PLIN3: variants seen among roughly 807,000 people sequenced by gnomAD.
PLIN3 encodes perilipin 3, also known as perilipin-3.
Under a neutral mutation model 35.9 loss-of-function variants are expected in PLIN3, and 30 were observed. That is an observed-to-expected ratio of 0.84 (90% confidence interval 0.62 to 1.13). The LOEUF (loss-of-function observed/expected upper bound fraction) is 1.13. Ranked by LOEUF, PLIN3 falls within the 50% of genes most tolerant of loss-of-function variation. The probability of loss-of-function intolerance (pLI) is 0.00; values close to 1 mark genes in which losing one functional copy is unlikely to be tolerated. For synonymous variants in PLIN3, 261 were observed against 262.5 expected (o/e 0.99, Z 0.06); for missense variants, 603 against 596.9 (o/e 1.01, Z -0.11).
intron 1 of PLIN3, among the ~76,000 whole-genome samples, chr19:4,865,350 A>G (rs920492641): frequency 6.1e-5 from 9 of 148,620 alleles, no homozygotes; most frequent in Non-Finnish European, 1.5e-5. Flanking sequence ...TTAGCCGTGT[A>G]TTTTGGCTGA....
intron 1 of PLIN3, among the ~76,000 whole-genome samples, chr19:4,864,150 TGGTTTTG>T (rs1486741427): frequency 7.6e-6 from 1 of 131,322 alleles, no homozygotes; most frequent in Non-Finnish European, 1.6e-5. Flanking sequence ...TGTGTGTGTG[TGGTTTTG>T]TTTTTTTTTT....
chr19:4,840,665 A>T (rs1029468734), intron 7 of PLIN3, among the ~76,000 whole-genome samples: 2 of 152,122 alleles, frequency 1.3e-5, no homozygotes, highest in African/African-American at 4.8e-5. Flanking sequence ...TCAAAACCAT[A>T]AGGAGGCCTG....
At chr19:4,841,070 G>A (rs959617669) in intron 7 of PLIN3, among the ~76,000 whole-genome samples, 8 of 152,258 alleles carry the variant, frequency 5.3e-5, no homozygotes, top group East Asian at 3.9e-4. Context: ...ACAGTCTAGC[G>A]GTTACTCAAA....
Position 4,865,716 on chromosome 19 carries a change from A to AT in PLIN3, c.-18+1892dup, listed in dbSNP as rs1456656199. Reference sequence around the variant, plus strand: ...CTGGAGTCCAGATTGGGTTCTTTCCATTTTTTTTTTTTTGTTTTTTTTTTT... The same window carrying AT: ...CTGGAGTCCAGATTGGGTTCTTTCCATTTTTTTTTTTTTTGTTTTTTTTTTT... On this transcript the variant is annotated intron_variant, in intron 1 of 7. Transcript: ENST00000221957. Among the ~76,000 whole-genome samples, 1,100 of 129,754 alleles carry AT rather than the reference A, an allele frequency of 8.5e-3. 5 individuals carry two copies. The highest frequency in any genetic ancestry group is 0.02 in the South Asian group (79 of 4,034). The allele number at this position is 129,754 out of a possible 152,430, so 85.1% of individuals were successfully genotyped here.
chr19:4,847,861 C>T lies in PLIN3; in HGVS notation c.664G>A (p.Asp222Asn), dbSNP rs780789672. The T allele has an allele frequency of 4.3e-6, 7 of 1,613,818 alleles. No individual in the cohort carries two copies. The highest frequency in any genetic ancestry group is 2.2e-5 in the East Asian group (1 of 44,856). ...CGCTGCTGCTGCACGGACGCGACGT[C>T]AAAGCCATCCAGGGATGTGGCGATG... Reference protein sequence around the residue: ...ARIATSLDGFDVASVQQQRQE... With the variant: ...ARIATSLDGFNVASVQQQRQE... The change falls in exon 6 of 8, where the codon GAC (aspartate) becomes AAC (asparagine). Residue 222 changes from aspartate (D) to asparagine (N), a missense_variant. By Grantham distance (23) the Asp-to-Asn change is conservative. Coordinates refer to ENST00000221957, the MANE Select transcript of PLIN3 (RefSeq NM_005817.5).
At chr19:4,845,295 G>A (rs1404685157) in intron 6 of PLIN3, among the ~76,000 whole-genome samples, 5 of 151,994 alleles carry the variant, frequency 3.3e-5, no homozygotes, top group African/African-American at 4.8e-5. Flanking sequence ...GTGTGGTGGT[G>A]CACATCTGTA....
At position 4,838,443 on chromosome 19, in the gene PLIN3, C is replaced by G. The variant is rs1384126847; in HGVS notation, c.*749G>C. 6.6e-6 allele frequency: 1 copy of G among 152,484 alleles called. No homozygotes were observed. Among genetic ancestry groups the G allele is most frequent in the Non-Finnish European group, 1.5e-5 (1 of 68,036 alleles). 9.4% of individuals were successfully genotyped at this position (152,484 alleles called of 1,614,324 possible). On this transcript the variant is annotated 3_prime_UTR_variant, in exon 8 of 8. Coordinates refer to ENST00000221957, the MANE Select transcript of PLIN3 (RefSeq NM_005817.5). Reference sequence around the variant, plus strand: ...TACCTTTCTACTCTACAATGAGGCTCAGAAGCTCAGTGTACCACCCCATCC... The same window carrying G: ...TACCTTTCTACTCTACAATGAGGCTGAGAAGCTCAGTGTACCACCCCATCC...
At chr19:4,843,990 G>A (rs1425516038) in intron 7 of PLIN3, among the ~76,000 whole-genome samples, 1 of 152,104 alleles carries the variant, frequency 6.6e-6, no homozygotes, top group Non-Finnish European at 1.5e-5. Flanking sequence ...TGTTTTTTGA[G>A]ACAGAATCTC....
chr19:4,852,368 C>G, intron 4 of PLIN3, 67 bp from the exon 5 acceptor site: 1 of 1,549,826 alleles, frequency 6.5e-7, no homozygotes, highest in East Asian at 2.3e-5. Context: ...CCCCTGCACC[C>G]CAACTTCCAG....
intron 4 of PLIN3, among the ~76,000 whole-genome samples, chr19:4,852,648 T>TC (rs2030340253): frequency 6.6e-6 from 1 of 151,724 alleles, no homozygotes; most frequent in South Asian, 2.1e-4. Flanking sequence ...TTTCTTTCTT[T>TC]TTTTTTTTTG....
rs1409881783 is a variant in PLIN3, at chr19:4,839,315, G to A, written c.1182C>T (p.Val394=). The part of the protein sequence containing the change: ...SSILAQSRER[V]ASAREALDHM... ...GGTCCAGGGCCTCGCGGGCGCTGGC[G>A]ACACGCTCACGGCTCTGGGCCAGAA... Residue 394 remains valine (V), a synonymous_variant, in exon 8 of 8, where the codon GTC becomes GTT. Transcript: ENST00000221957. 7.4e-6 allele frequency: 12 copies of A among 1,614,032 alleles called. No individual in the cohort carries two copies. The Middle Eastern group carries it at 4.9e-4, about 67-fold the overall frequency.
chr19:4,855,855 G>A (rs2030456557), intron 4 of PLIN3, among the ~76,000 whole-genome samples: 1 of 151,388 alleles, frequency 6.6e-6, no homozygotes, highest in Non-Finnish European at 1.5e-5. Flanking sequence ...AGTCTAGGAG[G>A]TCAAGGCTGT....
intron 5 of PLIN3, among the ~76,000 whole-genome samples, chr19:4,848,347 T>A (rs1360106473): frequency 6.6e-6 from 1 of 152,196 alleles, no homozygotes; most frequent in African/African-American, 2.4e-5. Flanking sequence ...GAGCAAAGGA[T>A]TCTGCCTTGG....
intron 7 of PLIN3, among the ~76,000 whole-genome samples, chr19:4,843,746 G>A (rs2029989204): frequency 6.6e-6 from 1 of 152,030 alleles, no homozygotes; most frequent in South Asian, 2.1e-4. Flanking sequence ...TGAGGCGAGA[G>A]GATTGCCTGA....
chr19:4,841,718 T>C (rs10422267), intron 7 of PLIN3, among the ~76,000 whole-genome samples: 107,882 of 150,448 alleles, frequency 0.72, 39,205 homozygotes, highest in African/African-American at 0.84. Context: ...CTGGCTAACA[T>C]GGTGAAACCC....
intron 5 of PLIN3, among the ~76,000 whole-genome samples, chr19:4,850,340 A>C (rs1220398335): frequency 1.3e-5 from 2 of 150,180 alleles, no homozygotes; most frequent in Non-Finnish European, 3.0e-5. Flanking sequence ...GCAGCGGCCC[A>C]ATCTTGGCTC....
chr19:4,845,462 G>A, intron 6 of PLIN3, among the ~76,000 whole-genome samples: 1 of 151,936 alleles, frequency 6.6e-6, no homozygotes, highest in Non-Finnish European at 1.5e-5. Context: ...AAAAGTGCTT[G>A]TAATGAAATA....
At chr19:4,846,592 G>A (rs991631937) in intron 6 of PLIN3, among the ~76,000 whole-genome samples, 1 of 151,826 alleles carries the variant, frequency 6.6e-6, no homozygotes, top group Non-Finnish European at 1.5e-5. Context: ...CCAGCTACTC[G>A]GGACGTGGAG....
At chr19:4,850,132 G>A (rs1057403647) in intron 5 of PLIN3, among the ~76,000 whole-genome samples, 2 of 151,606 alleles carry the variant, frequency 1.3e-5, no homozygotes, top group African/African-American at 4.8e-5. Context: ...TTTTAGTAGA[G>A]ATAGGGTTTC....
Sources: gnomAD v4.1 joint callset for allele counts (sites outside exome capture counted in the v4.1 genomes callset) on GRCh38, gnomAD v4.1.1 for gene constraint, MANE v1.5 for transcripts, NCBI Gene and HGNC (gene_info 2026-07-23, HGNC 2026-07-21) for gene names.